MAPKBP1: variants seen among roughly 807,000 people sequenced by gnomAD.
MAPKBP1 encodes the protein mitogen-activated protein kinase binding protein 1.
MAPKBP1 carries 71 observed loss-of-function variants against 170.5 expected under a neutral mutation model. The ratio of observed to expected loss-of-function variants is 0.42; its 90% CI spans 0.34 to 0.51. The LOEUF (loss-of-function observed/expected upper bound fraction) is 0.51. MAPKBP1 is among the 20% of genes least tolerant of loss of function. The pLI is 0.06. For synonymous variants in MAPKBP1, 719 were observed against 757.9 expected, an observed-to-expected ratio of 0.95 and a Z score of 0.84; for missense variants, 1,598 against 1,933.0, an observed-to-expected ratio of 0.83 and a Z score of 3.25.
intron 2 of MAPKBP1, among the ~76,000 whole-genome samples, chr15:41,783,706 G>A (rs980124958): frequency 3.9e-5 from 6 of 152,182 alleles, no homozygotes; most frequent in African/African-American, 9.7e-5. Flanking sequence ...AGTTGTGGGC[G>A]CGTAGCTGGG....
chr15:41,796,249 G>A lies in MAPKBP1; in HGVS notation c.115-3574G>A, dbSNP rs116548283. Among the ~76,000 whole-genome samples, 225 of 152,294 alleles carry A rather than the reference G, an allele frequency of 1.5e-3. 2 individuals carry two copies. Among genetic ancestry groups the A allele is most frequent in the African/African-American group, 5.2e-3 (217 of 41,554 alleles). ...AGCCAGCTCCAGCACACCACCGATTGAACTTGAATGCATTGAACCTGGGGT... is the reference window on the plus strand; with the variant it reads ...AGCCAGCTCCAGCACACCACCGATTAAACTTGAATGCATTGAACCTGGGGT... On this transcript the variant is annotated intron_variant, in intron 2 of 30. Transcript: ENST00000457542.
chr15:41,822,699 C>T (rs1160780214), intron 27 of MAPKBP1, 22 bp downstream of exon 27: 3 of 1,613,038 alleles, frequency 1.9e-6, no homozygotes, highest in South Asian at 1.1e-5. Context: ...CCCTACCCCC[C>T]AGCAGCAGCT....
chr15:41,823,354 TGGAGG>T, intron 28 of MAPKBP1, 88 bp from the exon 29 acceptor site: 2 of 1,547,260 alleles, frequency 1.3e-6, no homozygotes, highest in Non-Finnish European at 1.7e-6. Context: ...AATGGGCATG[TGGAGG>T]GGAACAGCAG....
At chr15:41,809,186 C>T (rs2064759595) in intron 3 of MAPKBP1, among the ~76,000 whole-genome samples, 1 of 151,878 alleles carries the variant, frequency 6.6e-6, no homozygotes, top group Admixed American at 6.6e-5. Flanking sequence ...AGTTCAAGAC[C>T]AGCTTGGGCA....
chr15:41,821,264 G>A, intron 23 of MAPKBP1, 196 bp downstream of exon 23: 1 of 635,356 alleles, frequency 1.6e-6, no homozygotes, highest in Non-Finnish European at 2.7e-6. Context: ...GGGAGGGGTT[G>A]GGGTAGAGAG....
chr15:41,821,924 C>T (rs916473222), intron 24 of MAPKBP1, 41 bp from the exon 25 acceptor site: 1 of 1,601,034 alleles, frequency 6.2e-7, no homozygotes, highest in Non-Finnish European at 8.5e-7. Context: ...CTGCCTACCC[C>T]TGCTCACTGC....
chr15:41,790,962 T>TAAGTGGCAG (rs751961340), intron 2 of MAPKBP1, among the ~76,000 whole-genome samples: 7 of 152,224 alleles, frequency 4.6e-5, no homozygotes, highest in Non-Finnish European at 1.0e-4. Flanking sequence ...GCTTTTGCGT[T>TAAGTGGCAG]AAGTGGCAGT....
intron 3 of MAPKBP1, among the ~76,000 whole-genome samples, chr15:41,803,342 A>G (rs2064631120): frequency 7.1e-6 from 1 of 140,782 alleles, no homozygotes; most frequent in Non-Finnish European, 1.5e-5. Flanking sequence ...TGAACCTGGG[A>G]GACGGTGGTT....
intron 2 of MAPKBP1, among the ~76,000 whole-genome samples, chr15:41,778,993 C>G (rs899203540): frequency 6.6e-5 from 10 of 152,050 alleles, no homozygotes; most frequent in African/African-American, 2.4e-4. Context: ...TGACTTTCTT[C>G]TAGTTGTGTT....
In MAPKBP1 at chr15:41,818,644, C is replaced by G; in HGVS notation, c.2156+62C>G. 1 of 1,541,454 alleles carries G rather than the reference C, an allele frequency of 6.5e-7. No homozygotes were observed. The highest frequency in any genetic ancestry group is 8.9e-7 in the Non-Finnish European group (1 of 1,127,724). Reference sequence around the variant, plus strand: ...TACTCTGCCACAGCACCCTGCCCTCCCCTCTCTCCATTTCAGTGATGTCTC... The same window carrying G: ...TACTCTGCCACAGCACCCTGCCCTCGCCTCTCTCCATTTCAGTGATGTCTC... On this transcript the variant is annotated intron_variant, in intron 19 of 30. Transcript: ENST00000457542. This position sits in a 1 kb window ranked among gnomAD's most constrained non-coding sequence, Gnocchi z 5.2.
intron 2 of MAPKBP1, among the ~76,000 whole-genome samples, chr15:41,798,281 G>T (rs1376504869): frequency 2.0e-5 from 3 of 147,414 alleles, no homozygotes; most frequent in African/African-American, 7.5e-5. Flanking sequence ...ATCTAAACAG[G>T]TTCTCTAGGA....
At chr15:41,781,437 T>C (rs2064186761) in intron 2 of MAPKBP1, among the ~76,000 whole-genome samples, 1 of 151,560 alleles carries the variant, frequency 6.6e-6, no homozygotes, top group African/African-American at 2.4e-5. Flanking sequence ...AAAGTTTATA[T>C]GCCTTATCTC....
intron 2 of MAPKBP1, among the ~76,000 whole-genome samples, chr15:41,786,779 T>A (rs12899301): frequency 0.34 from 9,126 of 26,556 alleles, 863 homozygotes; most frequent in Non-Finnish European, 0.36. Flanking sequence ...AAAAAAAAAA[T>A]ATATATATAT....
In MAPKBP1 at chr15:41,800,300, T is replaced by C. The variant is rs936708218; in HGVS notation, c.206+386T>C. ...TAGTTTTTTAGTATATTCACAGAGT[T>C]GTGCACCCATCACCACAATCAAATT... On this transcript the variant is annotated intron_variant, in intron 3 of 30. Transcript: ENST00000457542. 3.3e-5 allele frequency among the ~76,000 whole-genome samples: 5 copies of C among 152,188 alleles called. 1 individual carries two copies. The highest frequency in any genetic ancestry group is 7.3e-5 in the Non-Finnish European group (5 of 68,046).
At chr15:41,819,406 G>T (rs1314690285) in intron 21 of MAPKBP1, 27 bp downstream of exon 21, 2 of 1,612,716 alleles carry the variant, frequency 1.2e-6, no homozygotes, top group African/African-American at 2.7e-5. Context: ...TGTGGGGGCA[G>T]ACAGGCCCTA....
In MAPKBP1 at chr15:41,814,730, G is replaced by A; in HGVS notation, c.1161G>A (p.Trp387Ter). 6.2e-7 allele frequency: 1 copy of A among 1,614,188 alleles called. No homozygotes were observed. Among genetic ancestry groups the A allele is most frequent in the Non-Finnish European group, 8.5e-7 (1 of 1,180,006 alleles). The part of the protein sequence containing the change: ...YSALYHSSCV[W>*]SVEVYPEVKD... ...CTCTGTATCATTCTTCCTGCGTCTG[G>A]AGTGTGGAGGTATGTGGGCTGGCTG... Residue 387 changes from tryptophan (W) to a stop codon, truncating the protein, a stop_gained, in exon 10 of 31, where the codon TGG becomes TGA. Transcript: ENST00000457542. LOFTEE classifies it high-confidence loss of function.
chr15:41,779,792 T>A (rs1310622295), intron 2 of MAPKBP1, among the ~76,000 whole-genome samples: 1 of 152,220 alleles, frequency 6.6e-6, no homozygotes, highest in Non-Finnish European at 1.5e-5. Flanking sequence ...GCTATGCCCC[T>A]CACCAGCCTT....
At chr15:41,787,301 G>C (rs2064315690) in intron 2 of MAPKBP1, among the ~76,000 whole-genome samples, 1 of 150,226 alleles carries the variant, frequency 6.7e-6, no homozygotes, top group South Asian at 2.1e-4. Flanking sequence ...AGATAACACT[G>C]TTCTGATTAT....
At chr15:41,823,246 G>T in intron 28 of MAPKBP1, 24 bp downstream of exon 28, 1 of 1,607,504 alleles carries the variant, frequency 6.2e-7, no homozygotes. Flanking sequence ...TGGGTTCAGT[G>T]CCAGGGTGCA....
Sources: allele counts gnomAD v4.1 joint callset (sites outside exome capture counted in the v4.1 genomes callset), GRCh38; gene constraint gnomAD v4.1.1; non-coding constraint Gnocchi (gnomAD v3.1); transcripts MANE v1.5; gene names NCBI Gene and HGNC (gene_info 2026-07-23, HGNC 2026-07-21).